AGMO: variants seen among roughly 807,000 people sequenced by gnomAD.
The protein encoded by AGMO is glyceryl-ether monooxygenase.
AGMO carries 75 observed loss-of-function variants against 60.2 expected under a neutral mutation model. That is an observed-to-expected ratio of 1.25 (90% CI 1.03 to 1.51). The LOEUF (loss-of-function observed/expected upper bound fraction) is 1.51. Among genes scored for constraint, AGMO ranks in the 40% most tolerant of loss-of-function variants. The pLI, the probability that AGMO is intolerant of heterozygous loss-of-function variation, is 0.00. For synonymous variants in AGMO, 261 were observed against 177.1 expected (o/e 1.47, Z -3.76); for missense variants, 763 against 525.5 (o/e 1.45, Z -4.42).
downstream of AGMO, among the ~76,000 whole-genome samples, chr7:15,195,648 A>G (rs374845042): frequency 1.3e-5 from 2 of 152,314 alleles, no homozygotes; most frequent in South Asian, 2.1e-4. Context: ...TATTGGCACA[A>G]CTGCTGGCAT....
chr7:15,391,986 C>T lies in AGMO; in HGVS notation c.677-1081G>A, dbSNP rs144353242. On this transcript the variant is annotated intron_variant, in intron 6 of 12. Transcript: ENST00000342526. ...CCTGATATAAGCAGGCGTGGGCATGCGAAGATGAAGTCAGAGGAAGTAGCA... is the reference window on the plus strand; with the variant it reads ...CCTGATATAAGCAGGCGTGGGCATGTGAAGATGAAGTCAGAGGAAGTAGCA... Among the ~76,000 whole-genome samples, 124 of 152,158 alleles carry T rather than the reference C, an allele frequency of 8.1e-4. 1 individual carries two copies. The East Asian group carries it at 0.015, about 18-fold the overall frequency.
At position 15,385,434 on chromosome 7, in the gene AGMO, G is replaced by A; in HGVS notation, c.1074+12C>T. ...TAATGTTCTCACACTACTTAAAATGGATATTACTTACAGCTGTATCTGCAA... is the reference window on the plus strand; with the variant it reads ...TAATGTTCTCACACTACTTAAAATGAATATTACTTACAGCTGTATCTGCAA... On this transcript the variant is annotated intron_variant, in intron 10 of 12. Transcript: ENST00000342526. 1.3e-6 allele frequency: 2 copies of A among 1,482,822 alleles called. No homozygotes were observed. Among genetic ancestry groups the A allele is most frequent in the South Asian group, 2.3e-5 (2 of 86,770 alleles). 91.9% of individuals were successfully genotyped at this position (1,482,822 alleles called of 1,614,324 possible). A position where few individuals can be genotyped will look rare whatever the true frequency, so the allele number is the denominator to read the frequency against.
intron 5 of AGMO, among the ~76,000 whole-genome samples, chr7:15,417,994 T>A (rs377424235): frequency 6.6e-6 from 1 of 152,146 alleles, no homozygotes; most frequent in Non-Finnish European, 1.5e-5. Context: ...CATTCAAATC[T>A]GACAGTTTGA....
chr7:15,465,312 T>A (rs1221416304), intron 3 of AGMO, among the ~76,000 whole-genome samples: 1 of 151,090 alleles, frequency 6.6e-6, no homozygotes, highest in African/African-American at 2.4e-5. Flanking sequence ...AATATAGAAG[T>A]CTTCCGAAAT....
intron 12 of AGMO, among the ~76,000 whole-genome samples, chr7:15,283,999 T>A (rs1784035365): frequency 6.6e-6 from 1 of 151,942 alleles, no homozygotes; most frequent in African/African-American, 2.4e-5. Context: ...AACAATGAAA[T>A]CAAGATGGAA....
At chr7:15,353,794 C>CCT (rs1400522198) in intron 12 of AGMO, among the ~76,000 whole-genome samples, 4 of 152,046 alleles carry the variant, frequency 2.6e-5, no homozygotes, top group Admixed American at 2.6e-4. Context: ...TTGTTGGATG[C>CCT]CTGTGTTGGT....
chr7:15,269,035 G>C (rs1262965914), intron 12 of AGMO, among the ~76,000 whole-genome samples: 1 of 151,988 alleles, frequency 6.6e-6, no homozygotes, highest in Non-Finnish European at 1.5e-5. Flanking sequence ...CTTCTATAAA[G>C]GAACAGATAA....
chr7:15,468,629 T>G (rs900133163), intron 3 of AGMO, among the ~76,000 whole-genome samples: 1 of 152,094 alleles, frequency 6.6e-6, no homozygotes, highest in Non-Finnish European at 1.5e-5. Context: ...TCAGATTATC[T>G]TCAAAGTATA....
At chr7:15,444,831 T>C (rs1781657445) in intron 3 of AGMO, among the ~76,000 whole-genome samples, 1 of 152,144 alleles carries the variant, frequency 6.6e-6, no homozygotes, top group Non-Finnish European at 1.5e-5. Flanking sequence ...CTGATTTCCT[T>C]TTGGAAATTA....
At chr7:15,342,941 T>A (rs117231543) in intron 12 of AGMO, among the ~76,000 whole-genome samples, 2,516 of 152,150 alleles carry the variant, frequency 0.017, 31 homozygotes, top group Non-Finnish European at 0.025. Flanking sequence ...GAGGAGTAAA[T>A]GAAAATGTAT....
intron 12 of AGMO, among the ~76,000 whole-genome samples, chr7:15,354,371 C>CAT (rs1782390138): frequency 1.8e-5 from 1 of 55,208 alleles, no homozygotes; most frequent in Non-Finnish European, 3.1e-5. Context: ...TGTATATAGA[C>CAT]GTGTGTATAC....
In AGMO at chr7:15,378,363, A is replaced by C. The variant is rs980383433; in HGVS notation, c.1074+7083T>G. On this transcript the variant is annotated intron_variant, in intron 10 of 12. Coordinates refer to ENST00000342526, the MANE Select transcript of AGMO (RefSeq NM_001004320.2). ...CATTAAAGTTTTAAAATAATGTTAA[A>C]ATTAAAATGGTTTTTGTTGGTTTAA... is the stretch of plus-strand genomic sequence containing the variant. 9.3e-4 allele frequency among the ~76,000 whole-genome samples: 142 copies of C among 152,184 alleles called. 3 individuals are homozygous for C. The highest frequency in any genetic ancestry group is 3.3e-3 in the African/African-American group (135 of 41,516).
chr7:15,303,830 A>C (rs999938028), intron 12 of AGMO, among the ~76,000 whole-genome samples: 6 of 152,318 alleles, frequency 3.9e-5, no homozygotes, highest in Admixed American at 2.0e-4. Flanking sequence ...GTTTACCCCC[A>C]CACACAGCAC....
intron 3 of AGMO, among the ~76,000 whole-genome samples, chr7:15,486,495 G>A (rs1782924617): frequency 1.3e-5 from 2 of 152,082 alleles, no homozygotes; most frequent in African/African-American, 4.8e-5. Flanking sequence ...AAGCCATCCT[G>A]AATAATTACA....
At chr7:15,175,488 G>C in the AGMO span, among the ~76,000 whole-genome samples, 1 of 151,784 alleles carries the variant, frequency 6.6e-6, no homozygotes, top group East Asian at 1.9e-4. Flanking sequence ...ATAAACATCT[G>C]AATGTTTTCC....
intron 12 of AGMO, among the ~76,000 whole-genome samples, chr7:15,348,991 T>G (rs969738266): frequency 6.6e-6 from 1 of 152,280 alleles, no homozygotes; most frequent in Non-Finnish European, 1.5e-5. Flanking sequence ...ATGCTTATTA[T>G]AAACCACTAA....
At chr7:15,235,007 T>G (rs1479137116) in intron 12 of AGMO, among the ~76,000 whole-genome samples, 1 of 152,130 alleles carries the variant, frequency 6.6e-6, no homozygotes, top group Non-Finnish European at 1.5e-5. Context: ...GCTAAGATAC[T>G]TGCAGTTCTC....
the AGMO span, among the ~76,000 whole-genome samples, chr7:15,158,164 G>C: frequency 3.9e-5 from 6 of 152,232 alleles, no homozygotes; most frequent in Admixed American, 2.6e-4. Context: ...ATCCCTAAAA[G>C]TTCCATGAAC....
At chr7:15,227,390 C>T (rs1221068549) in intron 12 of AGMO, among the ~76,000 whole-genome samples, 1 of 151,746 alleles carries the variant, frequency 6.6e-6, no homozygotes, top group Non-Finnish European at 1.5e-5. Flanking sequence ...CCTATAAATA[C>T]TGAAACTGTG....
Sources: gnomAD v4.1 joint callset for allele counts (sites outside exome capture counted in the v4.1 genomes callset) on GRCh38, gnomAD v4.1.1 for gene constraint, MANE v1.5 for transcripts, NCBI Gene and HGNC (gene_info 2026-07-23, HGNC 2026-07-21) for gene names.